The following PHKA1 variants were observed in gnomAD, a reference collection of about 807,000 sequenced individuals.
PHKA1 encodes phosphorylase b kinase regulatory subunit alpha, skeletal muscle isoform.
PHKA1 carries 60 observed loss-of-function variants against 110.2 expected under a neutral mutation model. The observed-to-expected ratio is 0.54, with a 90% confidence interval of 0.44 to 0.68. PHKA1 has a LOEUF of 0.68. PHKA1 is among the 30% of genes least tolerant of loss of function. The pLI is 0.00. For synonymous variants in PHKA1, 316 were observed against 333.6 expected (o/e 0.95, Z 0.58); for missense variants, 801 against 942.5 (o/e 0.85, Z 1.97).
intron 3 of PHKA1, among the ~76,000 whole-genome samples, chrX:72,704,175 C>G (rs2054245819): frequency 8.9e-6 from 1 of 112,124 alleles, no homozygotes; most frequent in African/African-American, 3.2e-5. Context: ...GGATGCTCAA[C>G]TTCACTGGAG....
At chrX:72,646,217 C>T (rs1439844442) in intron 13 of PHKA1, among the ~76,000 whole-genome samples, 1 of 111,642 alleles carries the variant, frequency 9.0e-6, no homozygotes, top group Non-Finnish European at 1.9e-5. Context: ...GCCATGCTTT[C>T]CAAACTGCTT....
chrX:72,600,497 G>A (rs933680103), intron 28 of PHKA1, among the ~76,000 whole-genome samples: 2 of 111,896 alleles, frequency 1.8e-5, no homozygotes, highest in Admixed American at 9.5e-5. Context: ...GTTCTTTCAC[G>A]TTTCAAATAG....
chrX:72,655,606 G>A (rs1321056770), intron 10 of PHKA1, among the ~76,000 whole-genome samples: 1 of 112,153 alleles, frequency 8.9e-6, no homozygotes, highest in Non-Finnish European at 1.9e-5. Flanking sequence ...GGCACTCAAT[G>A]GTCAGGAGTG....
intron 18 of PHKA1, chrX:72,622,463 A>C: frequency 1.3e-6 from 1 of 754,210 alleles, no homozygotes. Context: ...TTCAAGCAAC[A>C]TAATGCCTGC....
At chrX:72,689,437 G>A (rs1226387079) in intron 4 of PHKA1, among the ~76,000 whole-genome samples, 1 of 111,529 alleles carries the variant, frequency 9.0e-6, no homozygotes, top group Non-Finnish European at 1.9e-5. Context: ...GGCCTTTTAT[G>A]TCTGGGTTCT....
At chrX:72,713,031 C>A in intron 1 of PHKA1, 94 bp from the exon 2 acceptor site, 1 of 871,403 alleles carries the variant, frequency 1.1e-6, no homozygotes, top group South Asian at 2.2e-5. Context: ...GGACTTTGGT[C>A]TTTCTTCTAC....
chrX:72,637,577 T>C (rs1045404059), intron 14 of PHKA1, among the ~76,000 whole-genome samples: 9 of 111,868 alleles, frequency 8.0e-5, no homozygotes, highest in Non-Finnish European at 1.5e-4. Context: ...AGAAGTGTAA[T>C]TGCTGGATTA....
chrX:72,590,847 C>G (rs144346431), intron 29 of PHKA1, among the ~76,000 whole-genome samples: 1,452 of 112,070 alleles, frequency 0.013, 17 homozygotes, highest in African/African-American at 0.034. Flanking sequence ...AAATGCAAAT[C>G]AAAACCACAA....
At chrX:72,656,620 G>C (rs1489593229) in intron 9 of PHKA1, among the ~76,000 whole-genome samples, 1 of 112,393 alleles carries the variant, frequency 8.9e-6, no homozygotes, top group African/African-American at 3.2e-5. Flanking sequence ...AGTTACAGAT[G>C]AGCTTTGTGA....
chrX:72,597,282 C>T (rs1198366813), intron 28 of PHKA1, among the ~76,000 whole-genome samples: 15 of 112,193 alleles, frequency 1.3e-4, no homozygotes, highest in African/African-American at 4.5e-4. Flanking sequence ...ACTGTACAAA[C>T]GCTATGGTTT....
rs2054082378 is a variant in PHKA1 at position 72,694,499 on chromosome X, T to A, written c.454+1209A>T. 2.7e-5 allele frequency among the ~76,000 whole-genome samples: 3 copies of A among 112,341 alleles called. No individual in the cohort carries two copies. In the Admixed American group the frequency reaches 2.8e-4, roughly 11 times the overall value. ...CCAGATGCATGTTATACTCTAACCATAGAAGATATCCAGCCTTACCTTGAT... is the reference window on the plus strand; with the variant it reads ...CCAGATGCATGTTATACTCTAACCAAAGAAGATATCCAGCCTTACCTTGAT... On this transcript the variant is annotated intron_variant, in intron 4 of 31. Transcript: ENST00000373542.
At chrX:72,667,883 T>C (rs1009792213) in intron 6 of PHKA1, among the ~76,000 whole-genome samples, 1 of 112,027 alleles carries the variant, frequency 8.9e-6, no homozygotes, top group Non-Finnish European at 1.9e-5. Context: ...CACAGTAAAG[T>C]ACAGAGAGGG....
At chrX:72,684,406 G>T in intron 5 of PHKA1, 92 bp downstream of exon 5, 3 of 601,312 alleles carry the variant, frequency 5.0e-6, no homozygotes, top group South Asian at 4.8e-5. Flanking sequence ...GGTTCACTAT[G>T]AGCAGTAGCA....
At chrX:72,710,948 G>T (rs1445089749) in intron 2 of PHKA1, among the ~76,000 whole-genome samples, 3 of 105,859 alleles carry the variant, frequency 2.8e-5, no homozygotes, top group African/African-American at 1.0e-4. Flanking sequence ...TGCAAGCTCC[G>T]CCTCCCGGGT....
At chrX:72,617,596 T>C (rs1556271162) in intron 21 of PHKA1, among the ~76,000 whole-genome samples, 1 of 111,472 alleles carries the variant, frequency 9.0e-6, no homozygotes, top group African/African-American at 3.3e-5. Flanking sequence ...TATGAACAAT[T>C]ATATGCCAAC....
chrX:72,584,323 C>A (rs1484254613), intron 29 of PHKA1, 21 bp from the exon 30 acceptor site: 1 of 1,191,296 alleles, frequency 8.4e-7, no homozygotes, highest in East Asian at 3.0e-5. Flanking sequence ...GAAAAAAAAC[C>A]ATATCACCAA....
intron 12 of PHKA1, among the ~76,000 whole-genome samples, chrX:72,650,962 C>T (rs2053422265): frequency 8.9e-6 from 1 of 112,033 alleles, no homozygotes; most frequent in Non-Finnish European, 1.9e-5. Flanking sequence ...AATCCTCCCG[C>T]TTTGGCCTCC....
intron 29 of PHKA1, among the ~76,000 whole-genome samples, chrX:72,589,966 G>A (rs1321142332): frequency 9.0e-6 from 1 of 111,308 alleles, no homozygotes; most frequent in Admixed American, 9.6e-5. Flanking sequence ...TCATGGATAG[G>A]AAGAACCAAT....
intron 12 of PHKA1, among the ~76,000 whole-genome samples, chrX:72,651,887 G>A (rs943018011): frequency 1.3e-4 from 15 of 111,855 alleles, no homozygotes; most frequent in African/African-American, 4.9e-4. Context: ...AAATAACATA[G>A]AGTGGGGAAG....
Sources: allele counts gnomAD v4.1 joint callset (sites outside exome capture counted in the v4.1 genomes callset), GRCh38; gene constraint gnomAD v4.1.1; transcripts MANE v1.5; gene names NCBI Gene and HGNC (gene_info 2026-07-23, HGNC 2026-07-21).